The following TNFRSF13B variants were observed in gnomAD, a reference collection of about 807,000 sequenced individuals.
The protein encoded by TNFRSF13B is TNF receptor superfamily member 13B.
A neutral mutation model predicts 24.0 loss-of-function variants in TNFRSF13B; 34 were observed. That is an observed-to-expected ratio of 1.41 (90% confidence interval 1.08 to 1.88). The LOEUF (loss-of-function observed/expected upper bound fraction) is 1.88. TNFRSF13B is among the 40% of genes most tolerant of loss of function. The probability of loss-of-function intolerance (pLI) is 0.00; values close to 1 mark genes in which losing one functional copy is unlikely to be tolerated. For missense variants in TNFRSF13B, 415 were observed against 380.8 expected, an observed-to-expected ratio of 1.09 and a Z score of -0.75; for synonymous variants, 173 against 150.3, an observed-to-expected ratio of 1.15 and a Z score of -1.10.
intron 3 of TNFRSF13B, among the ~76,000 whole-genome samples, chr17:16,942,121 A>G (rs1175607326): frequency 6.6e-6 from 1 of 152,162 alleles, no homozygotes; most frequent in Non-Finnish European, 1.5e-5. Context: ...TACCTAGGAG[A>G]AGAATGGCTG....
intron 2 of TNFRSF13B, among the ~76,000 whole-genome samples, chr17:16,949,717 C>T (rs1156818519): frequency 1.3e-5 from 2 of 150,248 alleles, no homozygotes; most frequent in South Asian, 2.1e-4. Flanking sequence ...AGGAGTTTCG[C>T]TCCTGTCACC....
At chr17:16,952,631 G>A (rs757863548) in intron 1 of TNFRSF13B, 48 bp from the exon 2 acceptor site, 1 of 1,613,578 alleles carries the variant, frequency 6.2e-7, no homozygotes, top group Non-Finnish European at 8.5e-7. Flanking sequence ...CCACAGCCCG[G>A]CCTCTTGTCC....
At chr17:16,953,657 C>A (rs929183783) in intron 1 of TNFRSF13B, among the ~76,000 whole-genome samples, 1 of 152,212 alleles carries the variant, frequency 6.6e-6, no homozygotes, top group African/African-American at 2.4e-5. Flanking sequence ...TACTGTGAAT[C>A]TTCCACTGTG....
chr17:16,968,443 C>A (rs1235738760), intron 1 of TNFRSF13B, among the ~76,000 whole-genome samples: 1 of 152,102 alleles, frequency 6.6e-6, no homozygotes, highest in Non-Finnish European at 1.5e-5. Flanking sequence ...ACAAGGATAC[C>A]CAGACTATTC....
chr17:16,967,481 G>A (rs189111400), intron 1 of TNFRSF13B, among the ~76,000 whole-genome samples: 2 of 151,946 alleles, frequency 1.3e-5, no homozygotes, highest in Admixed American at 6.5e-5. Flanking sequence ...CAGGCCGGGC[G>A]CAGTGGCTCA....
At chr17:16,960,524 T>C (rs1016242475) in intron 1 of TNFRSF13B, among the ~76,000 whole-genome samples, 6 of 152,220 alleles carry the variant, frequency 3.9e-5, no homozygotes, top group Non-Finnish European at 5.9e-5. Context: ...AAGGACAGTC[T>C]CTTCCATAAA....
In TNFRSF13B at chr17:16,940,655, G is replaced by T. The variant is rs372479185; in HGVS notation, c.446-144C>A. 53 of 1,503,674 alleles carry T rather than the reference G, an allele frequency of 3.5e-5. No individual in the cohort carries two copies. In the South Asian group the frequency reaches 5.7e-4, roughly 16 times the overall value. The allele number at this position is 1,503,674 out of a possible 1,614,324, so 93.1% of individuals were successfully genotyped here. Reference sequence around the variant, plus strand: ...GGGCTCCTTTTCTGACCCTGAGGCTGCTGGGATGCTCTCTGGATCCTGGAG... The same window carrying T: ...GGGCTCCTTTTCTGACCCTGAGGCTTCTGGGATGCTCTCTGGATCCTGGAG... On this transcript the variant is annotated intron_variant, in intron 3 of 4. Transcript: ENST00000261652.
chr17:16,941,532 T>A (rs903771659), intron 3 of TNFRSF13B: 1 of 987,516 alleles, frequency 1.0e-6, no homozygotes, highest in Non-Finnish European at 1.2e-6. Flanking sequence ...GAAGAGCGAG[T>A]CCCACTTCGT....
At chr17:16,964,590 C>T (rs2087686726) in intron 1 of TNFRSF13B, among the ~76,000 whole-genome samples, 2 of 152,176 alleles carry the variant, frequency 1.3e-5, no homozygotes, top group Admixed American at 1.3e-4. Context: ...ATCTGCCTGC[C>T]TCAGCCTCCC....
intron 1 of TNFRSF13B, among the ~76,000 whole-genome samples, chr17:16,958,453 C>G (rs1057431669): frequency 1.3e-5 from 2 of 151,266 alleles, no homozygotes; most frequent in Non-Finnish European, 2.9e-5. Flanking sequence ...AACCCACAGG[C>G]TTCATGTATA....
At chr17:16,955,799 G>T (rs964006676) in intron 1 of TNFRSF13B, among the ~76,000 whole-genome samples, 4 of 152,250 alleles carry the variant, frequency 2.6e-5, no homozygotes, top group Admixed American at 6.5e-5. Context: ...CACTATTTGG[G>T]AACTGTGGAG....
chr17:16,961,999 G>A (rs1321987402), intron 1 of TNFRSF13B, among the ~76,000 whole-genome samples: 1 of 152,164 alleles, frequency 6.6e-6, no homozygotes, highest in Non-Finnish European at 1.5e-5. Context: ...TGATGGTGAA[G>A]GACTTCCCCA....
At chr17:16,944,855 G>A (rs945916325) in intron 3 of TNFRSF13B, among the ~76,000 whole-genome samples, 2 of 152,146 alleles carry the variant, frequency 1.3e-5, no homozygotes, top group African/African-American at 4.8e-5. Flanking sequence ...CCCACGGAAG[G>A]GGGCAGAGAA....
chr17:16,952,630 G>A lies in TNFRSF13B; in HGVS notation c.62-47C>T, dbSNP rs536933538. 14 of 1,613,588 alleles carry A rather than the reference G, an allele frequency of 8.7e-6. No individual in the cohort carries two copies. In the East Asian group the frequency reaches 1.1e-4, roughly 13 times the overall value. On this transcript the variant is annotated intron_variant, in intron 1 of 4. Transcript: ENST00000261652. The stretch of plus-strand genomic sequence containing the variant: ...GGCAGCTGGCAGGCGGCCACAGCCC[G>A]GCCTCTTGTCCCTGATGGGAACCAA...
Position 16,950,157 on chromosome 17 carries a change from A to G in TNFRSF13B, c.200-1174T>C, listed in dbSNP as rs575825055. 8.6e-4 allele frequency among the ~76,000 whole-genome samples: 131 copies of G among 152,358 alleles called. 1 individual carries two copies. Among genetic ancestry groups the G allele is most frequent in the African/African-American group, 3.1e-3 (127 of 41,586 alleles). On this transcript the variant is annotated intron_variant, in intron 2 of 4. Transcript: ENST00000261652. ...TGTGGCTCACACATATATTTTAAGG[A>G]CACATTTTGGAGACAGTGCAGGATA...
chr17:16,939,759 G>C lies in TNFRSF13B; in HGVS notation c.670C>G (p.Pro224Ala), dbSNP rs748968841. The C allele has an allele frequency of 1.2e-6, 2 of 1,611,410 alleles. No individual in the cohort carries two copies. The highest frequency in any genetic ancestry group is 1.7e-6 in the Non-Finnish European group (2 of 1,178,774). The change falls in exon 5 of 5, where the codon CCC becomes GCC. Residue 224 changes from proline to alanine, a missense_variant. Physicochemically the swap from Pro to Ala is conservative, Grantham distance 27. Transcript: ENST00000261652. ...AAGCTGCAGGTCTCCACTGGCTCGG[G>C]GGATGTGCTCACAGGGCTGCCGGCT... Reference protein sequence around the residue: ...MEAGSPVSTSPEPVETCSFCF... With the variant: ...MEAGSPVSTSAEPVETCSFCF...
At chr17:16,948,642 A>G (rs2087565569) in intron 3 of TNFRSF13B, 96 bp downstream of exon 3, 6 of 1,565,958 alleles carry the variant, frequency 3.8e-6, no homozygotes, top group Non-Finnish European at 5.3e-6. Context: ...TCTGGGCTTC[A>G]TGCATTGTGG....
chr17:16,963,146 T>A (rs1597667481), intron 1 of TNFRSF13B, among the ~76,000 whole-genome samples: 2 of 152,290 alleles, frequency 1.3e-5, no homozygotes, highest in East Asian at 3.9e-4. Flanking sequence ...GAGGATGCTG[T>A]TGCTTACTCA....
intron 4 of TNFRSF13B, chr17:16,940,054 G>C (rs1479324719): frequency 9.7e-7 from 1 of 1,033,362 alleles, no homozygotes; most frequent in Non-Finnish European, 1.4e-6. Context: ...ACCTCCTCCT[G>C]GGCTTAGCCC....
Sources: allele counts gnomAD v4.1 joint callset (sites outside exome capture counted in the v4.1 genomes callset), GRCh38; gene constraint gnomAD v4.1.1; transcripts MANE v1.5; gene names NCBI Gene and HGNC (gene_info 2026-07-23, HGNC 2026-07-21).